Variants in DR1 observed in about 807,000 individuals in gnomAD.
DR1 encodes protein Dr1.
Under a neutral mutation model 19.9 loss-of-function variants are expected in DR1, and 7 were observed. The observed-to-expected ratio is 0.35, with a 90% CI of 0.20 to 0.66. DR1 has a LOEUF of 0.66. DR1 is among the 30% of genes least tolerant of loss of function. The pLI, the probability that DR1 is intolerant of heterozygous loss-of-function variation, is 0.66. For synonymous variants in DR1, 76 were observed against 72.5 expected (o/e 1.05, Z -0.24); for missense variants, 98 against 203.7 (o/e 0.48, Z 3.16).
At position 93,363,854 on chromosome 1, in the gene DR1, G is replaced by A. The variant is rs1570715263; in HGVS notation, c.*3215G>A. On this transcript the variant is annotated 3_prime_UTR_variant, in exon 3 of 3. Transcript: ENST00000370272. The stretch of plus-strand genomic sequence containing the variant: ...CTCATTGCTGTATAGTCTTCCGTTT[G>A]TTTATCCATTTTTCATTACATCCAA... 6.6e-6 allele frequency: 1 copy of A among 152,242 alleles called. No homozygotes were observed. The highest frequency in any genetic ancestry group is 1.9e-4 in the East Asian group (1 of 5,188). The allele number at this position is 152,242 out of a possible 1,614,324, so 9.4% of individuals were successfully genotyped here. A position where few individuals can be genotyped will look rare whatever the true frequency, so the allele number is the denominator to read the frequency against.
chr1:93,347,670 C>T (rs936195756), intron 1 of DR1, among the ~76,000 whole-genome samples: 3 of 152,020 alleles, frequency 2.0e-5, no homozygotes, highest in African/African-American at 7.2e-5. Flanking sequence ...TATGGAACAG[C>T]ACTTCTGAAA....
At chr1:93,351,916 A>G (rs1397897391) in intron 1 of DR1, among the ~76,000 whole-genome samples, 2 of 152,120 alleles carry the variant, frequency 1.3e-5, no homozygotes, top group Non-Finnish European at 2.9e-5. Context: ...TTATGAGGGT[A>G]CTCTTTTAAA....
chr1:93,357,225 C>G (rs548674279), intron 2 of DR1, among the ~76,000 whole-genome samples: 217 of 152,220 alleles, frequency 1.4e-3, no homozygotes, highest in African/African-American at 5.1e-3. Context: ...GTTGTCTTAT[C>G]CTTGTTTTTT....
chr1:93,354,181 T>A, intron 2 of DR1, 110 bp downstream of exon 2: 1 of 1,085,532 alleles, frequency 9.2e-7, no homozygotes, highest in Non-Finnish European at 1.3e-6. Flanking sequence ...TCTAGGTAGT[T>A]GATTATAGAT....
rs55792701 is a variant in DR1 at position 93,362,826 on chromosome 1, C to CTTTTTTTTTTTTTTTTTTTTTTTTTTTTT, written c.*2215_*2216insTTTTTTTTTTTTTTTTTTTTTTTTTTTTT. 2 of 52,848 alleles carry CTTTTTTTTTTTTTTTTTTTTTTTTTTTTT rather than the reference C, an allele frequency of 3.8e-5. No homozygotes were observed. Among genetic ancestry groups the CTTTTTTTTTTTTTTTTTTTTTTTTTTTTT allele is most frequent in the Non-Finnish European group, 7.3e-5 (2 of 27,564 alleles). The allele number at this position is 52,848 out of a possible 1,614,324, so 3.3% of individuals were successfully genotyped here. A position where few individuals can be genotyped will look rare whatever the true frequency, so the allele number is the denominator to read the frequency against. On this transcript the variant is annotated 3_prime_UTR_variant, in exon 3 of 3. Coordinates refer to ENST00000370272, the MANE Select transcript of DR1 (RefSeq NM_001938.3). ...GCAATATTTTATTTTTAGGTTTTTT[C>CTTTTTTTTTTTTTTTTTTTTTTTTTTTTT]TTTTTTTTTTTTTTTTTTTTTTTTT...
At chr1:93,357,170 G>A (rs1666997077) in intron 2 of DR1, among the ~76,000 whole-genome samples, 1 of 152,134 alleles carries the variant, frequency 6.6e-6, no homozygotes. Context: ...AGAATGGATG[G>A]TTTCTAATTT....
intron 2 of DR1, among the ~76,000 whole-genome samples, chr1:93,357,376 C>CCTTCCTTG (rs1435766382): frequency 6.6e-6 from 1 of 152,112 alleles, no homozygotes; most frequent in Non-Finnish European, 1.5e-5. Flanking sequence ...CAAGGTGGCA[C>CCTTCCTTG]CTTCCTGTAG....
Position 93,356,344 on chromosome 1 carries a change from G to A in DR1, c.384+2273G>A, listed in dbSNP as rs545909922. Among the ~76,000 whole-genome samples, 29 of 152,054 alleles carry A rather than the reference G, an allele frequency of 1.9e-4. 1 individual carries two copies. Among genetic ancestry groups the A allele is most frequent in the Admixed American group, 1.4e-3 (21 of 15,278 alleles). On this transcript the variant is annotated intron_variant, in intron 2 of 2. Coordinates refer to ENST00000370272, the MANE Select transcript of DR1 (RefSeq NM_001938.3). ...TCAGCCTAGAACTCCTGGGCTCAAG[G>A]GATCCTCCTGCTTCAGCCTCATGAG... is the stretch of plus-strand genomic sequence containing the variant.
In DR1 at chr1:93,360,696, AC is replaced by A; in HGVS notation, c.*58del. On this transcript the variant is annotated 3_prime_UTR_variant, in exon 3 of 3. Transcript: ENST00000370272. ...AAATGTTTTTCCCTGCACAACAAAA[AC>A]AGTGAAAGAAATGCTTATCTGTAAT... 6.5e-7 allele frequency: 1 copy of A among 1,545,766 alleles called. No individual in the cohort carries two copies. The highest frequency in any genetic ancestry group is 8.7e-7 in the Non-Finnish European group (1 of 1,153,616).
intron 1 of DR1, among the ~76,000 whole-genome samples, chr1:93,352,308 G>A (rs1480859102): frequency 6.6e-6 from 1 of 152,118 alleles, no homozygotes; most frequent in Admixed American, 6.5e-5. Context: ...CTGACCTCAT[G>A]ATCTGCCTGC....
chr1:93,349,173 C>G (rs1402915883), intron 1 of DR1, among the ~76,000 whole-genome samples: 1 of 152,000 alleles, frequency 6.6e-6, no homozygotes, highest in Non-Finnish European at 1.5e-5. Context: ...CTTGTCTGAG[C>G]AAATTAAGCA....
At chr1:93,354,603 T>C (rs1449999159) in intron 2 of DR1, among the ~76,000 whole-genome samples, 2 of 152,178 alleles carry the variant, frequency 1.3e-5, no homozygotes, top group African/African-American at 4.8e-5. Flanking sequence ...ACTAATGTTC[T>C]CTGTTTCAAA....
chr1:93,354,645 G>A (rs1304242700), intron 2 of DR1, among the ~76,000 whole-genome samples: 1 of 152,156 alleles, frequency 6.6e-6, no homozygotes, highest in Non-Finnish European at 1.5e-5. Context: ...TGGCAATGCT[G>A]TGTTTTCCCT....
chr1:93,354,441 A>G (rs925609273), intron 2 of DR1, among the ~76,000 whole-genome samples: 2 of 152,212 alleles, frequency 1.3e-5, no homozygotes, highest in Admixed American at 1.3e-4. Context: ...GATTAATATC[A>G]ACTGTGTAGT....
Position 93,354,004 on chromosome 1 carries a change from C to G in DR1, c.317C>G (p.Ser106Cys). 6.2e-7 allele frequency: 1 copy of G among 1,613,784 alleles called. No individual in the cohort carries two copies. Among genetic ancestry groups the G allele is most frequent in the Non-Finnish European group, 8.5e-7 (1 of 1,179,828 alleles). The change falls in exon 2 of 3, where the codon TCT becomes TGT. Residue 106 changes from serine to cysteine, a missense_variant. Coordinates refer to ENST00000370272, the MANE Select transcript of DR1 (RefSeq NM_001938.3). ...GCATTAAAAAGAAGAAAGGCCAGTT[C>G]TCGTTTGGAAAACCTTGGCATTCCT... ...TVALKRRKAS[S>C]RLENLGIPEE...
chr1:93,347,167 C>A (rs1159080861), intron 1 of DR1, among the ~76,000 whole-genome samples: 1 of 152,164 alleles, frequency 6.6e-6, no homozygotes, highest in Admixed American at 6.5e-5. Context: ...GAATTACTTG[C>A]CTGAAGTTGA....
intron 2 of DR1, among the ~76,000 whole-genome samples, chr1:93,358,773 A>G (rs1159804082): frequency 6.6e-6 from 1 of 152,206 alleles, no homozygotes; most frequent in Non-Finnish European, 1.5e-5. Flanking sequence ...CCCTAATAAC[A>G]ACTTTATACT....
chr1:93,361,125 T>C lies in DR1; in HGVS notation c.*486T>C, dbSNP rs1667047689. 1 of 154,284 alleles carries C rather than the reference T, an allele frequency of 6.5e-6. No individual in the cohort carries two copies. Among genetic ancestry groups the C allele is most frequent in the Non-Finnish European group, 1.4e-5 (1 of 69,310 alleles). The allele number at this position is 154,284 out of a possible 1,614,324, so 9.6% of individuals were successfully genotyped here. A position where few individuals can be genotyped will look rare whatever the true frequency, so the allele number is the denominator to read the frequency against. ...TTCTGTAGTATCTGAATTTGTCTTT[T>C]AAAATGAGTACATATATAGGCAATA... On this transcript the variant is annotated 3_prime_UTR_variant, in exon 3 of 3. Transcript: ENST00000370272.
intron 2 of DR1, among the ~76,000 whole-genome samples, chr1:93,357,365 G>A (rs1667001382): frequency 1.3e-5 from 2 of 151,950 alleles, no homozygotes; most frequent in Non-Finnish European, 2.9e-5. Flanking sequence ...TACCCACCAA[G>A]CAAGGTGGCA....
Sources: allele counts gnomAD v4.1 joint callset (sites outside exome capture counted in the v4.1 genomes callset), GRCh38; gene constraint gnomAD v4.1.1; transcripts MANE v1.5; gene names NCBI Gene and HGNC (gene_info 2026-07-23, HGNC 2026-07-21).